Variants in ADAMTS17 observed in about 807,000 individuals in gnomAD.
The protein encoded by ADAMTS17 is ADAM metallopeptidase with thrombospondin type 1 motif 17.
In ADAMTS17, 113 loss-of-function variants were observed where a neutral mutation model predicts 141.5. That is an observed-to-expected ratio of 0.80 (90% CI 0.69 to 0.93). ADAMTS17 has a LOEUF of 0.93. ADAMTS17 is among the 40% of genes least tolerant of loss of function. The probability of loss-of-function intolerance (pLI) is 0.00; values close to 1 mark genes in which losing one functional copy is unlikely to be tolerated. For missense variants in ADAMTS17, 1,659 were observed against 1,517.9 expected, an observed-to-expected ratio of 1.09 and a Z score of -1.54; for synonymous variants, 768 against 630.6, an observed-to-expected ratio of 1.22 and a Z score of -3.27.
At chr15:100,247,107 G>C (rs948698022) in intron 7 of ADAMTS17, among the ~76,000 whole-genome samples, 1 of 151,860 alleles carries the variant, frequency 6.6e-6, no homozygotes, top group Non-Finnish European at 1.5e-5. Flanking sequence ...GGCTAGTCTC[G>C]AACTCCTGAC....
rs770479926 is a variant in ADAMTS17 at position 100,262,356 on chromosome 15, C to T, written c.869G>A (p.Arg290His). The change falls in exon 5 of 22, where the codon CGT becomes CAT. Residue 290 changes from arginine (R) to histidine (H), a missense_variant. Coordinates refer to ENST00000268070, the MANE Select transcript of ADAMTS17 (RefSeq NM_139057.4). ...AAGGTGCCTGTGGGGACTTACGGGA[C>T]GTTGTCGTAGCAGGACAAGCTTGGT... Reference protein sequence around the residue: ...QVTKLVLLRQRPAKLSIGHHG... With the variant: ...QVTKLVLLRQHPAKLSIGHHG... 17 of 1,613,598 alleles carry T rather than the reference C, an allele frequency of 1.1e-5. No individual in the cohort carries two copies. The highest frequency in any genetic ancestry group is 1.4e-5 in the Non-Finnish European group (16 of 1,179,816).
chr15:100,028,536 AAAATGAC>A (rs1318340749), intron 18 of ADAMTS17, among the ~76,000 whole-genome samples: 1 of 152,244 alleles, frequency 6.6e-6, no homozygotes, highest in Non-Finnish European at 1.5e-5. Flanking sequence ...AGTGATCATA[AAAATGAC>A]AAATTTAGCT....
intron 18 of ADAMTS17, among the ~76,000 whole-genome samples, chr15:100,014,089 C>A (rs567375601): frequency 6.6e-6 from 1 of 152,018 alleles, no homozygotes; most frequent in African/African-American, 2.4e-5. Context: ...TCAGGGTATG[C>A]AATTCTTCCT....
At chr15:100,203,562 G>A (rs559846234) in intron 7 of ADAMTS17, among the ~76,000 whole-genome samples, 32 of 152,140 alleles carry the variant, frequency 2.1e-4, no homozygotes, top group Non-Finnish European at 3.4e-4. Context: ...AAAATTAGCC[G>A]GGTGTGGTGG....
At chr15:100,317,423 G>T (rs1109045) in intron 3 of ADAMTS17, among the ~76,000 whole-genome samples, 15,698 of 152,180 alleles carry the variant, frequency 0.1, 869 homozygotes, top group Non-Finnish European at 0.11. Context: ...CAGGGAGACA[G>T]GAAATGAGGA....
rs1269670038 is a variant in ADAMTS17 at position 100,253,201 on chromosome 15, A to T, written c.1075+935T>A. Among the ~76,000 whole-genome samples, 3 of 151,612 alleles carry T rather than the reference A, an allele frequency of 2.0e-5. No individual in the cohort carries two copies. In the South Asian group the frequency reaches 6.3e-4, roughly 32 times the overall value. ...AACAAAGGTTCGCGTTATGGCAGGG[A>T]AAACTGGAAACACCCTTGGCATTGT... On this transcript the variant is annotated intron_variant, in intron 7 of 21. Coordinates refer to ENST00000268070, the MANE Select transcript of ADAMTS17 (RefSeq NM_139057.4).
intron 7 of ADAMTS17, among the ~76,000 whole-genome samples, chr15:100,227,793 G>C (rs928352004): frequency 3.3e-5 from 5 of 152,232 alleles, no homozygotes; most frequent in Admixed American, 6.5e-5. Flanking sequence ...TCCAGGAAAA[G>C]GAATGGACTG....
At chr15:100,213,334 C>T (rs1198394419) in intron 7 of ADAMTS17, among the ~76,000 whole-genome samples, 1 of 152,130 alleles carries the variant, frequency 6.6e-6, no homozygotes, top group Non-Finnish European at 1.5e-5. Flanking sequence ...AGAGGAAAAA[C>T]ATGATATAAA....
At chr15:100,127,806 T>C (rs1043784844) in intron 12 of ADAMTS17, among the ~76,000 whole-genome samples, 66 of 152,208 alleles carry the variant, frequency 4.3e-4, no homozygotes, top group African/African-American at 1.6e-3. Flanking sequence ...GGTCTTGAAC[T>C]CCTGACCTCA....
At chr15:100,173,239 T>C (rs927788239) in intron 8 of ADAMTS17, among the ~76,000 whole-genome samples, 22 of 152,194 alleles carry the variant, frequency 1.4e-4, no homozygotes, top group Non-Finnish European at 2.6e-4. Context: ...TACTTAGCTT[T>C]TTAGAAATGC....
In ADAMTS17 at chr15:99,974,561, A is replaced by G; in HGVS notation, c.3129T>C (p.Ala1043=). The G allele has an allele frequency of 6.2e-7, 1 of 1,614,244 alleles. No homozygotes were observed. Among genetic ancestry groups the G allele is most frequent in the Middle Eastern group, 1.6e-4 (1 of 6,062 alleles). Reference sequence around the variant, plus strand: ...CTCGTGTGCATTTGTAGGTCAGAGCAGCTAAGGGGATAGGAGAGAGAATAC... The same window carrying G: ...CTCGTGTGCATTTGTAGGTCAGAGCGGCTAAGGGGATAGGAGAGAGAATAC... ...NANTITSPRL[A]ALTYKCTRDQ... The change falls in exon 22 of 22, where the codon GCT becomes GCC. Residue 1043 remains alanine (A), a splice_region_variant and synonymous_variant. Coordinates refer to ENST00000268070, the MANE Select transcript of ADAMTS17 (RefSeq NM_139057.4).
At chr15:100,288,154 G>T (rs1428008757) in intron 3 of ADAMTS17, among the ~76,000 whole-genome samples, 1 of 152,114 alleles carries the variant, frequency 6.6e-6, no homozygotes, top group Non-Finnish European at 1.5e-5. Context: ...CAGAGTAAAG[G>T]GATGGAGAAA....
At chr15:100,269,479 G>T (rs2043830274) in intron 4 of ADAMTS17, among the ~76,000 whole-genome samples, 1 of 152,154 alleles carries the variant, frequency 6.6e-6, no homozygotes, top group Non-Finnish European at 1.5e-5. Context: ...GGGCCAAACA[G>T]CATCTATTGC....
At position 100,223,794 on chromosome 15, in the gene ADAMTS17, G is replaced by GGTGAATATATATGTGTGTGT. The variant is rs552350232; in HGVS notation, c.1076-24372_1076-24371insACACACACATATATATTCAC. The stretch of plus-strand genomic sequence containing the variant: ...TATATATCCTGGGTGTGTCTGTGTG[G>GGTGAATATATATGTGTGTGT]GTGTATATATATGTGTGTGTGTGTA... On this transcript the variant is annotated intron_variant, in intron 7 of 21. Coordinates refer to ENST00000268070, the MANE Select transcript of ADAMTS17 (RefSeq NM_139057.4). Among the ~76,000 whole-genome samples, 167 of 150,692 alleles carry GGTGAATATATATGTGTGTGT rather than the reference G, an allele frequency of 1.1e-3. 2 individuals carry two copies. In the South Asian group the frequency reaches 0.026, roughly 24 times the overall value.
chr15:100,161,534 C>T (rs555856239), intron 8 of ADAMTS17, among the ~76,000 whole-genome samples: 70 of 152,278 alleles, frequency 4.6e-4, no homozygotes, highest in African/African-American at 1.7e-3. Flanking sequence ...AATTCCTATT[C>T]AATAGATGCT....
At chr15:100,304,607 ACTTT>A (rs1337376308) in intron 3 of ADAMTS17, among the ~76,000 whole-genome samples, 4 of 152,136 alleles carry the variant, frequency 2.6e-5, no homozygotes, top group African/African-American at 9.7e-5. Context: ...CATTCCTAGC[ACTTT>A]CTTTCTCACC....
At chr15:100,181,859 T>C (rs2040537282) in intron 8 of ADAMTS17, among the ~76,000 whole-genome samples, 2 of 152,254 alleles carry the variant, frequency 1.3e-5, no homozygotes, top group Non-Finnish European at 2.9e-5. Context: ...CCAAGTCCAC[T>C]GGCTCCAAGT....
Position 100,063,402 on chromosome 15 carries a change from C to G in ADAMTS17, c.2138-9348G>C, listed in dbSNP as rs188453462. On this transcript the variant is annotated intron_variant, in intron 15 of 21. Transcript: ENST00000268070. ...GGACTGGTAACCTGCCCCAATTCCT[C>G]ACAACTTCCTTCACTCTTCTATGAT... Among the ~76,000 whole-genome samples, 138 of 152,312 alleles carry G rather than the reference C, an allele frequency of 9.1e-4. 1 individual carries two copies. Among genetic ancestry groups the G allele is most frequent in the South Asian group, 1.7e-3 (8 of 4,828 alleles).
At chr15:100,273,365 T>C (rs552061614) in intron 4 of ADAMTS17, among the ~76,000 whole-genome samples, 2 of 152,276 alleles carry the variant, frequency 1.3e-5, no homozygotes, top group East Asian at 3.9e-4. Flanking sequence ...TGATTACTGA[T>C]TCAGTTACCT....
Sources: allele counts gnomAD v4.1 joint callset (sites outside exome capture counted in the v4.1 genomes callset), GRCh38; gene constraint gnomAD v4.1.1; transcripts MANE v1.5; gene names NCBI Gene and HGNC (gene_info 2026-07-23, HGNC 2026-07-21).